Variants in CAMK2D observed in about 807,000 individuals in gnomAD.
CAMK2D encodes the protein calcium/calmodulin-dependent protein kinase type II subunit delta.
CAMK2D carries 37 observed loss-of-function variants against 84.0 expected under a neutral mutation model. The ratio of observed to expected loss-of-function variants is 0.44; its 90% CI spans 0.34 to 0.58. The LOEUF (loss-of-function observed/expected upper bound fraction) is 0.58, where lower values mean the gene tolerates loss of function less well. Ranked by LOEUF, CAMK2D falls within the 20% of genes least tolerant of loss-of-function variation. The probability of loss-of-function intolerance (pLI) is 0.02; values close to 1 mark genes in which losing one functional copy is unlikely to be tolerated. For synonymous variants in CAMK2D, 202 were observed against 212.5 expected (o/e 0.95, Z 0.43); for missense variants, 448 against 652.5 (o/e 0.69, Z 3.41).
At chr4:113,581,305 G>C (rs1257935821) in intron 4 of CAMK2D, among the ~76,000 whole-genome samples, 1 of 152,002 alleles carries the variant, frequency 6.6e-6, no homozygotes, top group Non-Finnish European at 1.5e-5. Flanking sequence ...CCTGAGGTCA[G>C]GAGTTCGAGA....
intron 2 of CAMK2D, among the ~76,000 whole-genome samples, chr4:113,723,586 C>T (rs1241127568): frequency 1.3e-5 from 2 of 152,146 alleles, no homozygotes; most frequent in African/African-American, 2.4e-5. Flanking sequence ...TGAGGTTTCA[C>T]GCTATACTCC....
intron 11 of CAMK2D, 32 bp downstream of exon 11, chr4:113,513,798 C>T (rs754265166): frequency 2.0e-6 from 2 of 998,860 alleles, no homozygotes; most frequent in South Asian, 1.4e-5. Context: ...TCTGTCAAAT[C>T]TACCTCCCCA....
chr4:113,658,488 T>C (rs2099212587), intron 3 of CAMK2D, among the ~76,000 whole-genome samples: 1 of 152,162 alleles, frequency 6.6e-6, no homozygotes, highest in Non-Finnish European at 1.5e-5. Flanking sequence ...CATTCAAATG[T>C]ATTTCACCTT....
chr4:113,631,620 C>T (rs2099090051), intron 3 of CAMK2D, among the ~76,000 whole-genome samples: 1 of 152,178 alleles, frequency 6.6e-6, no homozygotes, highest in African/African-American at 2.4e-5. Context: ...AAGGATGACC[C>T]AGACCAAAAC....
chr4:113,500,393 A>G (rs752050644), intron 16 of CAMK2D, 70 bp downstream of exon 16: 1 of 878,430 alleles, frequency 1.1e-6, no homozygotes, highest in South Asian at 1.7e-5. Flanking sequence ...TAGTTATTTG[A>G]AGCACTTTTT....
intron 4 of CAMK2D, among the ~76,000 whole-genome samples, chr4:113,567,842 ACAC>A (rs2154218355): frequency 6.6e-6 from 1 of 152,346 alleles, no homozygotes. Context: ...TGTCAGGTAC[ACAC>A]TAGGTACCCA....
At chr4:113,575,279 G>T (rs1018106049) in intron 4 of CAMK2D, among the ~76,000 whole-genome samples, 4 of 152,146 alleles carry the variant, frequency 2.6e-5, no homozygotes, top group Admixed American at 6.5e-5. Context: ...AGTGTTTTAT[G>T]CAACAAAATG....
intron 4 of CAMK2D, among the ~76,000 whole-genome samples, chr4:113,581,177 C>G (rs2098806548): frequency 6.6e-6 from 1 of 151,986 alleles, no homozygotes; most frequent in Admixed American, 6.6e-5. Flanking sequence ...AATTGTTATT[C>G]TATTTGACCT....
At chr4:113,736,765 C>T (rs1032300852) in intron 2 of CAMK2D, among the ~76,000 whole-genome samples, 2 of 151,904 alleles carry the variant, frequency 1.3e-5, no homozygotes, top group African/African-American at 4.8e-5. Context: ...AGATGAAGGG[C>T]TAAAGAAAAA....
At position 113,677,180 on chromosome 4, in the gene CAMK2D, T is replaced by C. The variant is rs144827803; in HGVS notation, c.161-15408A>G. ...AAGTATCTTTTCTTCAAGGAAGCCA[T>C]TCCTAATGTGCTCAGACTCCCTACC... On this transcript the variant is annotated intron_variant, in intron 2 of 20. Coordinates refer to ENST00000511664, the MANE Select transcript of CAMK2D (RefSeq NM_001321571.2). Among the ~76,000 whole-genome samples the C allele has an allele frequency of 1.9e-3, 288 of 152,312 alleles. 2 individuals carry two copies. The highest frequency in any genetic ancestry group is 6.8e-3 in the Middle Eastern group (2 of 294).
At chr4:113,502,063 A>G (rs2098055478) in intron 15 of CAMK2D, among the ~76,000 whole-genome samples, 1 of 152,124 alleles carries the variant, frequency 6.6e-6, no homozygotes, top group Admixed American at 6.5e-5. Flanking sequence ...CATCATTGAT[A>G]AGAGTATGGA....
intron 3 of CAMK2D, among the ~76,000 whole-genome samples, chr4:113,630,852 G>C (rs2099086851): frequency 6.6e-6 from 1 of 152,118 alleles, no homozygotes; most frequent in African/African-American, 2.4e-5. Context: ...CTAGAAATTT[G>C]ACTTCTGACT....
intron 13 of CAMK2D, among the ~76,000 whole-genome samples, chr4:113,508,986 A>G (rs1180110413): frequency 1.3e-5 from 2 of 152,200 alleles, no homozygotes; most frequent in Non-Finnish European, 2.9e-5. Flanking sequence ...TTCCAACAAG[A>G]GTAAATCCCC....
At chr4:113,565,784 T>G (rs2098720976) in intron 4 of CAMK2D, among the ~76,000 whole-genome samples, 1 of 152,148 alleles carries the variant, frequency 6.6e-6, no homozygotes, top group Non-Finnish European at 1.5e-5. Flanking sequence ...AAATCACTTT[T>G]GGGAATGTTG....
At chr4:113,705,583 A>G (rs987431692) in intron 2 of CAMK2D, among the ~76,000 whole-genome samples, 1 of 152,210 alleles carries the variant, frequency 6.6e-6, no homozygotes, top group Non-Finnish European at 1.5e-5. Context: ...AGCGCTAGGT[A>G]TATGAGAACA....
intron 6 of CAMK2D, among the ~76,000 whole-genome samples, chr4:113,538,125 T>C (rs965198217): frequency 6.6e-6 from 1 of 152,174 alleles, no homozygotes; most frequent in Admixed American, 6.5e-5. Flanking sequence ...TTTACATTTC[T>C]TCAAAGCGTG....
At chr4:113,701,720 T>C (rs1307001696) in intron 2 of CAMK2D, among the ~76,000 whole-genome samples, 2 of 151,648 alleles carry the variant, frequency 1.3e-5, no homozygotes, top group Non-Finnish European at 2.9e-5. Flanking sequence ...GTTGTTTTGT[T>C]TTTTTTTGAA....
intron 2 of CAMK2D, among the ~76,000 whole-genome samples, chr4:113,702,469 A>G (rs1469336317): frequency 2.0e-5 from 3 of 152,206 alleles, no homozygotes; most frequent in Non-Finnish European, 4.4e-5. Flanking sequence ...GCACTATTGA[A>G]TGGAAATTTA....
Position 113,710,460 on chromosome 4 carries a change from C to T in CAMK2D, c.161-48688G>A, listed in dbSNP as rs967894419. 3.1e-4 allele frequency among the ~76,000 whole-genome samples: 47 copies of T among 152,270 alleles called. 1 individual carries two copies. The highest frequency in any genetic ancestry group is 1.1e-3 in the African/African-American group (47 of 41,572). On this transcript the variant is annotated intron_variant, in intron 2 of 20. Coordinates refer to ENST00000511664, the MANE Select transcript of CAMK2D (RefSeq NM_001321571.2). ...CTGACAAAGACAATAAACTACCTTG[C>T]TCTTTGGCACACACCTGGAACTACT...
Sources: gnomAD v4.1 joint callset for allele counts (sites outside exome capture counted in the v4.1 genomes callset) on GRCh38, gnomAD v4.1.1 for gene constraint, MANE v1.5 for transcripts, NCBI Gene and HGNC (gene_info 2026-07-23, HGNC 2026-07-21) for gene names.